ZPBP2: variants seen among roughly 807,000 people sequenced by gnomAD.
ZPBP2 encodes zona pellucida binding protein 2, also known as zona pellucida-binding protein 2.
In ZPBP2, 34 loss-of-function variants were observed where a neutral mutation model predicts 37.5. The observed-to-expected ratio is 0.91, with a 90% confidence interval of 0.69 to 1.21. The LOEUF is 1.21. ZPBP2 is among the 50% of genes most tolerant of loss of function. ZPBP2 has a pLI of 0.00. For synonymous variants in ZPBP2, 143 were observed against 138.4 expected (o/e 1.03, Z -0.23); for missense variants, 397 against 413.5 (o/e 0.96, Z 0.35).
In ZPBP2 at chr17:39,877,520, A is replaced by G. The variant is rs2063395930; in HGVS notation, c.*711A>G. On this transcript the variant is annotated 3_prime_UTR_variant, in exon 8 of 8. Coordinates refer to ENST00000348931, the MANE Select transcript of ZPBP2 (RefSeq NM_199321.3). The stretch of plus-strand genomic sequence containing the variant: ...TTATGTGGGTTTTGACAAATTCATA[A>G]TGGCATGTGTGCACCATTGCAGTCT... The G allele has an allele frequency of 6.6e-6, 1 of 152,272 alleles. No individual in the cohort carries two copies. Among genetic ancestry groups the G allele is most frequent in the East Asian group, 1.9e-4 (1 of 5,190 alleles). The allele number at this position is 152,272 out of a possible 1,614,324, so 9.4% of individuals were successfully genotyped here. A position where few individuals can be genotyped will look rare whatever the true frequency, so the allele number is the denominator to read the frequency against.
chr17:39,869,593 CAG>C (rs1164720601), intron 2 of ZPBP2, among the ~76,000 whole-genome samples: 5 of 149,526 alleles, frequency 3.3e-5, no homozygotes, highest in Non-Finnish European at 7.4e-5. Context: ...TTAGTAGAGA[CAG>C]GGTTTCACCA....
At chr17:39,871,376 A>G (rs2063363763) in intron 3 of ZPBP2, 88 bp from the exon 4 acceptor site, 8 of 915,858 alleles carry the variant, frequency 8.7e-6, no homozygotes, top group African/African-American at 1.7e-5. Flanking sequence ...TTAATTTTTA[A>G]AATTTTTGTA....
intron 2 of ZPBP2, among the ~76,000 whole-genome samples, chr17:39,869,611 G>C: frequency 6.6e-6 from 1 of 150,666 alleles, no homozygotes; most frequent in East Asian, 1.9e-4. Flanking sequence ...CACCATGTTG[G>C]CCAGGCTGGT....
chr17:39,869,437 C>G (rs1310717035), intron 2 of ZPBP2, among the ~76,000 whole-genome samples: 1 of 133,266 alleles, frequency 7.5e-6, no homozygotes, highest in Non-Finnish European at 1.6e-5. Context: ...GACAGTCTCA[C>G]TCTGTCACCC....
intron 5 of ZPBP2, 119 bp downstream of exon 5, chr17:39,872,607 C>G: frequency 1.5e-6 from 1 of 685,858 alleles, no homozygotes; most frequent in Non-Finnish European, 2.3e-6. Flanking sequence ...TTGTTAAGCA[C>G]TAAAGTATGT....
chr17:39,868,759 CG>C (rs1466208900), intron 2 of ZPBP2, 145 bp downstream of exon 2: 1 of 901,562 alleles, frequency 1.1e-6, no homozygotes, highest in Non-Finnish European at 1.7e-6. Flanking sequence ...CAGTTCACGA[CG>C]GTCGCATTTT....
At position 39,877,001 on chromosome 17, in the gene ZPBP2, G is replaced by A. The variant is rs2063393661; in HGVS notation, c.*192G>A. 1 of 546,798 alleles carries A rather than the reference G, an allele frequency of 1.8e-6. No homozygotes were observed. Among genetic ancestry groups the A allele is most frequent in the Admixed American group, 3.2e-5 (1 of 30,954 alleles). The allele number at this position is 546,798 out of a possible 1,614,324, so 33.9% of individuals were successfully genotyped here. A position where few individuals can be genotyped will look rare whatever the true frequency, so the allele number is the denominator to read the frequency against. On this transcript the variant is annotated 3_prime_UTR_variant, in exon 8 of 8. Coordinates refer to ENST00000348931, the MANE Select transcript of ZPBP2 (RefSeq NM_199321.3). ...AGGCATTTAATCCAGTATCTCTAGTGTACAAAGGAAACTTGAAGTTTTAAT... is the reference window on the plus strand; with the variant it reads ...AGGCATTTAATCCAGTATCTCTAGTATACAAAGGAAACTTGAAGTTTTAAT...
At chr17:39,873,150 A>G in intron 6 of ZPBP2, 24 bp downstream of exon 6, 1 of 1,599,926 alleles carries the variant, frequency 6.3e-7, no homozygotes, top group South Asian at 1.1e-5. Flanking sequence ...GGTAAGGAAG[A>G]AGTATTTGTC....
At chr17:39,870,017 C>A (rs951016637) in intron 2 of ZPBP2, among the ~76,000 whole-genome samples, 1 of 151,598 alleles carries the variant, frequency 6.6e-6, no homozygotes, top group South Asian at 2.1e-4. Context: ...CCCAGCTGAT[C>A]ATCTTTAGAA....
rs558196025 is a variant in ZPBP2, at chr17:39,871,453, A to C, written c.245-11A>C. On this transcript the variant is annotated splice_polypyrimidine_tract_variant and intron_variant, in intron 3 of 7. Coordinates refer to ENST00000348931, the MANE Select transcript of ZPBP2 (RefSeq NM_199321.3). Reference sequence around the variant, plus strand: ...TTATATGTTAAATAAGTAATTTACTATTCTGTTTAGGAAATAATAGAATAA... The same window carrying C: ...TTATATGTTAAATAAGTAATTTACTCTTCTGTTTAGGAAATAATAGAATAA... 3.2e-6 allele frequency: 5 copies of C among 1,540,256 alleles called. No individual in the cohort carries two copies. The Admixed American group carries it at 8.1e-5, about 25-fold the overall frequency.
intron 2 of ZPBP2, among the ~76,000 whole-genome samples, chr17:39,868,951 T>G (rs572256089): frequency 6.6e-6 from 1 of 152,280 alleles, no homozygotes; most frequent in South Asian, 2.1e-4. Flanking sequence ...GTTTGGAATA[T>G]CTTTAATCCT....
rs76599500 is a variant in ZPBP2, at chr17:39,873,788, T to C, written c.708+662T>C. Among the ~76,000 whole-genome samples, 346 of 152,184 alleles carry C rather than the reference T, an allele frequency of 2.3e-3. 9 individuals carry two copies. In the East Asian group the frequency reaches 0.06, roughly 26 times the overall value. ...TGGTCATACTAGTTGCTCTCCCCTC[T>C]ACCATCCTCAGAGGCAAAGGACATA... On this transcript the variant is annotated intron_variant, in intron 6 of 7. Coordinates refer to ENST00000348931, the MANE Select transcript of ZPBP2 (RefSeq NM_199321.3).
Position 39,871,545 on chromosome 17 carries a change from G to A in ZPBP2, c.326G>A (p.Cys109Tyr), listed in dbSNP as rs370468589. The A allele has an allele frequency of 2.5e-6, 4 of 1,609,460 alleles. No homozygotes were observed. Among genetic ancestry groups the A allele is most frequent in the East Asian group, 4.5e-5 (2 of 44,658 alleles). The change falls in exon 4 of 8, where the codon TGT becomes TAT. Residue 109 changes from cysteine (C) to tyrosine (Y), a missense_variant. By Grantham distance (194) the Cys-to-Tyr change is radical. Coordinates refer to ENST00000348931, the MANE Select transcript of ZPBP2 (RefSeq NM_199321.3). Reference sequence around the variant, plus strand: ...GAGCCTTTGTCTGGACTTTACACATGTACTCTTTCTTATAAGACTGTTAAA... The same window carrying A: ...GAGCCTTTGTCTGGACTTTACACATATACTCTTTCTTATAAGACTGTTAAA... ...FLEPLSGLYT[C>Y]TLSYKTVKAE...
In ZPBP2 at chr17:39,868,764, G is replaced by A. The variant is rs11078924; in HGVS notation, c.118+150G>A. On this transcript the variant is annotated intron_variant, in intron 2 of 7. Coordinates refer to ENST00000348931, the MANE Select transcript of ZPBP2 (RefSeq NM_199321.3). ...ATCTGCTTGGCAGTTCACGACGGTCGCATTTTTTCATCCTTACAGCGATCC... is the reference window on the plus strand; with the variant it reads ...ATCTGCTTGGCAGTTCACGACGGTCACATTTTTTCATCCTTACAGCGATCC... The A allele has an allele frequency of 4.3e-3, 3,644 of 847,638 alleles. 103 individuals carry two copies. In the East Asian group the frequency reaches 0.065, roughly 15 times the overall value. The allele number at this position is 847,638 out of a possible 1,614,324, so 52.5% of individuals were successfully genotyped here.
At chr17:39,875,549 T>A (rs9891174) in intron 7 of ZPBP2, 115 bp downstream of exon 7, 338,387 of 803,938 alleles carry the variant, frequency 0.42, 72,503 homozygotes, top group Non-Finnish European at 0.44. Context: ...TACCAAAAAA[T>A]ATATATATAT....
At chr17:39,870,568 T>C (rs1598261975) in intron 2 of ZPBP2, 126 bp from the exon 3 acceptor site, 1 of 536,888 alleles carries the variant, frequency 1.9e-6, no homozygotes, top group Non-Finnish European at 2.9e-6. Context: ...ATGTTATATA[T>C]TGATTTTTAA....
intron 6 of ZPBP2, among the ~76,000 whole-genome samples, chr17:39,873,373 A>C (rs1304463196): frequency 6.6e-6 from 1 of 152,192 alleles, no homozygotes; most frequent in Non-Finnish European, 1.5e-5. Flanking sequence ...CATCTTGTGA[A>C]TATTTATCAA....
intron 7 of ZPBP2, among the ~76,000 whole-genome samples, chr17:39,875,793 G>T (rs1178352498): frequency 6.6e-6 from 1 of 150,388 alleles, no homozygotes; most frequent in African/African-American, 2.5e-5. Flanking sequence ...GGCCAGGCTG[G>T]TCTCGACTGA....
intron 7 of ZPBP2, among the ~76,000 whole-genome samples, 188 bp from the exon 8 acceptor site, chr17:39,876,494 A>C (rs563480326): frequency 5.9e-5 from 9 of 152,200 alleles, no homozygotes; most frequent in African/African-American, 1.9e-4. Context: ...AAGATCATCA[A>C]ATTATAAAGT....
Sources: allele counts gnomAD v4.1 joint callset (sites outside exome capture counted in the v4.1 genomes callset), GRCh38; gene constraint gnomAD v4.1.1; transcripts MANE v1.5; gene names NCBI Gene and HGNC (gene_info 2026-07-23, HGNC 2026-07-21).